The following DNAH8 variants were observed in gnomAD, a reference collection of about 807,000 sequenced individuals.
DNAH8 encodes the protein dynein axonemal heavy chain 8.
DNAH8 carries 382 observed loss-of-function variants against 562.1 expected under a neutral mutation model. The ratio of observed to expected loss-of-function variants is 0.68; its 90% CI spans 0.63 to 0.74. The LOEUF (loss-of-function observed/expected upper bound fraction) is 0.74. Among genes scored for constraint, DNAH8 ranks in the 30% least tolerant of loss-of-function variants. DNAH8 has a pLI of 0.00. For synonymous variants in DNAH8, 1,881 were observed against 1,919.4 expected (o/e 0.98, Z 0.52); for missense variants, 5,203 against 5,620.4 (o/e 0.93, Z 2.37).
In DNAH8 at chr6:38,814,657, T is replaced by C. The variant is rs149544653; in HGVS notation, c.3333+528T>C. 1.6e-4 allele frequency among the ~76,000 whole-genome samples: 24 copies of C among 152,352 alleles called. 1 individual carries two copies. The East Asian group carries it at 4.6e-3, about 29-fold the overall frequency. On this transcript the variant is annotated intron_variant, in intron 25 of 92. Coordinates refer to ENST00000327475, the MANE Select transcript of DNAH8 (RefSeq NM_001206927.2). ...AAAGAATTGAGTTAGGCATCTGTTC[T>C]GCCAGCAGTTAGCAAGCACCCTACA...
At chr6:38,892,358 A>G (rs185431290) in intron 58 of DNAH8, among the ~76,000 whole-genome samples, 113 of 152,216 alleles carry the variant, frequency 7.4e-4, no homozygotes, top group African/African-American at 2.6e-3. Context: ...ACTCATCTCA[A>G]AGTTACCATG....
intron 1 of DNAH8, among the ~76,000 whole-genome samples, chr6:38,720,219 A>G (rs182745091): frequency 6.6e-6 from 1 of 152,326 alleles, no homozygotes; most frequent in African/African-American, 2.4e-5. Context: ...CTCAAACCAC[A>G]GGAAGTATCA....
At chr6:38,903,763 C>T (rs907722917) in intron 62 of DNAH8, among the ~76,000 whole-genome samples, 9 of 152,074 alleles carry the variant, frequency 5.9e-5, no homozygotes, top group African/African-American at 1.9e-4. Flanking sequence ...AGGCGAGCAC[C>T]ACCACGCCTG....
rs146222476 is a variant in DNAH8 at position 38,719,752 on chromosome 6, C to T, written c.-34-3024C>T. Among the ~76,000 whole-genome samples the T allele has an allele frequency of 1.4e-3, 216 of 152,232 alleles. 1 individual carries two copies. The highest frequency in any genetic ancestry group is 4.6e-3 in the African/African-American group (190 of 41,544). On this transcript the variant is annotated intron_variant, in intron 1 of 92. Coordinates refer to ENST00000327475, the MANE Select transcript of DNAH8 (RefSeq NM_001206927.2). ...CCTGGGCTGCTGTTTCACAGATAGA[C>T]GCCTATTCTGCCCAGCATTAGAGTT...
chr6:38,961,091 A>T (rs1300928580), intron 82 of DNAH8, among the ~76,000 whole-genome samples: 2 of 152,048 alleles, frequency 1.3e-5, no homozygotes, highest in East Asian at 3.8e-4. Flanking sequence ...GCATAGAATG[A>T]CAAATACCAC....
intron 76 of DNAH8, chr6:38,933,066 G>C (rs41273112): frequency 6.6e-6 from 1 of 152,434 alleles, no homozygotes; most frequent in South Asian, 2.1e-4. Flanking sequence ...GCCCTGGCCC[G>C]GCAATTCACT....
At chr6:38,848,900 C>CCA in intron 37 of DNAH8, 99 bp downstream of exon 37, 1 of 1,229,424 alleles carries the variant, frequency 8.1e-7, no homozygotes, top group Non-Finnish European at 1.2e-6. Flanking sequence ...CAAGGCTTGA[C>CCA]TATGATGGGG....
intron 33 of DNAH8, among the ~76,000 whole-genome samples, chr6:38,841,725 A>AT (rs376088517): frequency 0.016 from 2,383 of 147,554 alleles, 31 homozygotes; most frequent in Middle Eastern, 0.029. Flanking sequence ...CACATGTGGG[A>AT]TTTTTTTTTT....
At chr6:38,828,745 A>C (rs1296491504) in intron 30 of DNAH8, among the ~76,000 whole-genome samples, 1 of 152,216 alleles carries the variant, frequency 6.6e-6, no homozygotes, top group Non-Finnish European at 1.5e-5. Flanking sequence ...TAGAATACAC[A>C]TACCATAAAG....
rs1040131436 is a variant in DNAH8, at chr6:38,851,624, C to T, written c.5416C>T (p.Pro1806Ser). The T allele has an allele frequency of 6.2e-7, 1 of 1,612,120 alleles. No individual in the cohort carries two copies. Among genetic ancestry groups the T allele is most frequent in the South Asian group, 1.1e-5 (1 of 90,456 alleles). Reference sequence around the variant, plus strand: ...TCCAAGATTCTTCTTTGTATCTGATCCAGTTCTCCTGGAAATTCTTGGACA... The same window carrying T: ...TCCAAGATTCTTCTTTGTATCTGATTCAGTTCTCCTGGAAATTCTTGGACA... Reference protein sequence around the residue: ...LFPRFFFVSDPVLLEILGQAS... With the variant: ...LFPRFFFVSDSVLLEILGQAS... The change falls in exon 39 of 93, where the codon CCA (proline) becomes TCA (serine). Residue 1806 changes from proline (P) to serine (S), a missense_variant. Transcript: ENST00000327475.
At position 38,848,893 on chromosome 6, in the gene DNAH8, G is replaced by A. The variant is rs140431745; in HGVS notation, c.5199+92G>A. Reference sequence around the variant, plus strand: ...AGTCTTCACAAAGACATATGGTCAAGGCTTGACTATGATGGGGTTTGGCAA... The same window carrying A: ...AGTCTTCACAAAGACATATGGTCAAAGCTTGACTATGATGGGGTTTGGCAA... On this transcript the variant is annotated intron_variant, in intron 37 of 92. Coordinates refer to ENST00000327475, the MANE Select transcript of DNAH8 (RefSeq NM_001206927.2). The A allele has an allele frequency of 3.9e-6, 5 of 1,287,512 alleles. No homozygotes were observed. The African/African-American group carries it at 7.5e-5, about 19-fold the overall frequency. 79.8% of individuals were successfully genotyped at this position (1,287,512 alleles called of 1,614,324 possible).
chr6:38,917,118 G>A, intron 68 of DNAH8, 121 bp from the exon 69 acceptor site: 4 of 671,464 alleles, frequency 6.0e-6, no homozygotes, highest in Non-Finnish European at 8.9e-6. Context: ...CAAAAATCTT[G>A]GAAATGGAGA....
chr6:38,976,829 A>G (rs1364136530), intron 85 of DNAH8, among the ~76,000 whole-genome samples: 1 of 152,234 alleles, frequency 6.6e-6, no homozygotes, highest in East Asian at 1.9e-4. Flanking sequence ...CTTTAAACAA[A>G]CATGTTATAT....
At position 38,924,007 on chromosome 6, in the gene DNAH8, C is replaced by T. The variant is rs1781920533; in HGVS notation, c.10807C>T (p.Leu3603=). The T allele has an allele frequency of 6.2e-7, 1 of 1,613,818 alleles. No individual in the cohort carries two copies. The highest frequency in any genetic ancestry group is 1.3e-5 in the African/African-American group (1 of 74,908). The part of the protein sequence containing the change: ...AQINRLVGDI[L]LCTGFLSYLG... ...TCTTCACAGACTTGTAGGTGATATT[C>T]TGCTGTGCACGGGATTCCTTTCCTA... The change falls in exon 73 of 93, where the codon CTG becomes TTG. Residue 3603 remains leucine, a synonymous_variant. Transcript: ENST00000327475.
At chr6:38,775,682 A>G (rs1002048100) in intron 12 of DNAH8, 72 bp from the exon 13 acceptor site, 1 of 931,316 alleles carries the variant, frequency 1.1e-6, no homozygotes. Flanking sequence ...TCAATGATTC[A>G]TTAAGAGCTT....
At chr6:38,922,457 C>G (rs1267652759) in intron 71 of DNAH8, among the ~76,000 whole-genome samples, 1 of 151,966 alleles carries the variant, frequency 6.6e-6, no homozygotes, top group Non-Finnish European at 1.5e-5. Context: ...AACCTCAAAA[C>G]CATAGATAAT....
At chr6:38,810,512 A>T (rs966648266) in intron 24 of DNAH8, among the ~76,000 whole-genome samples, 1 of 152,108 alleles carries the variant, frequency 6.6e-6, no homozygotes, top group African/African-American at 2.4e-5. Context: ...GAATCGCTTG[A>T]ACCTGGGAGG....
chr6:38,767,878 A>G lies in DNAH8; in HGVS notation c.1618-2535A>G, dbSNP rs76637840. Among the ~76,000 whole-genome samples, 107 of 152,278 alleles carry G rather than the reference A, an allele frequency of 7.0e-4. 2 individuals are homozygous for G. In the East Asian group the frequency reaches 0.016, roughly 23 times the overall value. ...TAACTTTTTGAGTTCCTGCCAAACA[A>G]TTTTCCACAGTGGCTGCACCATTTT... On this transcript the variant is annotated intron_variant, in intron 11 of 92. Coordinates refer to ENST00000327475, the MANE Select transcript of DNAH8 (RefSeq NM_001206927.2).
At chr6:38,731,957 C>T (rs1763689228) in intron 4 of DNAH8, among the ~76,000 whole-genome samples, 1 of 152,202 alleles carries the variant, frequency 6.6e-6, no homozygotes, top group Non-Finnish European at 1.5e-5. Context: ...CTCAGGTGAT[C>T]CACCTGCCTC....
Sources: allele counts gnomAD v4.1 joint callset (sites outside exome capture counted in the v4.1 genomes callset), GRCh38; gene constraint gnomAD v4.1.1; transcripts MANE v1.5; gene names NCBI Gene and HGNC (gene_info 2026-07-23, HGNC 2026-07-21).